ROBO2: variants seen among roughly 807,000 people sequenced by gnomAD.
The protein encoded by ROBO2 is roundabout homolog 2.
In ROBO2, 53 loss-of-function variants were observed where a neutral mutation model predicts 160.8. The observed-to-expected ratio is 0.33, with a 90% CI of 0.26 to 0.41. ROBO2 has a LOEUF of 0.41. Ranked by LOEUF, ROBO2 falls within the 10% of genes least tolerant of loss-of-function variation. The probability of loss-of-function intolerance (pLI) is 1.00; values close to 1 mark genes in which losing one functional copy is unlikely to be tolerated. For missense variants in ROBO2, 1,577 were observed against 1,722.4 expected (o/e 0.92, Z 1.49); for synonymous variants, 664 against 611.7 (o/e 1.09, Z -1.26).
intron 2 of ROBO2, among the ~76,000 whole-genome samples, chr3:76,438,379 C>T (rs1313889892): frequency 6.7e-6 from 1 of 149,464 alleles, no homozygotes; most frequent in Non-Finnish European, 1.5e-5. Flanking sequence ...CTTGGGGCCA[C>T]TTTGACTTTT....
At chr3:77,532,124 G>A (rs1189074153) in intron 6 of ROBO2, among the ~76,000 whole-genome samples, 1 of 152,046 alleles carries the variant, frequency 6.6e-6, no homozygotes, top group East Asian at 1.9e-4. Context: ...TACTTCTCAG[G>A]CTGAGCTGGT....
chr3:76,072,115 C>T (rs1559887751), intron 2 of ROBO2, among the ~76,000 whole-genome samples: 1 of 152,094 alleles, frequency 6.6e-6, no homozygotes, highest in Non-Finnish European at 1.5e-5. Context: ...TGTGTTCTAG[C>T]ATTCTAGAAG....
intron 2 of ROBO2, among the ~76,000 whole-genome samples, chr3:76,206,534 C>A: frequency 6.6e-6 from 1 of 151,782 alleles, no homozygotes; most frequent in South Asian, 2.1e-4. Flanking sequence ...GTTCAGAGTG[C>A]CTCCTTCACC....
chr3:76,776,067 T>G (rs2062230958), intron 2 of ROBO2, among the ~76,000 whole-genome samples: 1 of 150,872 alleles, frequency 6.6e-6, no homozygotes. Context: ...TAAACCCCTA[T>G]GTAACTTCTT....
At chr3:76,247,529 G>A (rs142827698) in intron 2 of ROBO2, among the ~76,000 whole-genome samples, 14 of 152,040 alleles carry the variant, frequency 9.2e-5, no homozygotes, top group Middle Eastern at 3.4e-3. Flanking sequence ...CTATCTATGC[G>A]CTATGACACA....
intron 2 of ROBO2, among the ~76,000 whole-genome samples, chr3:76,150,016 G>C (rs111867719): frequency 7.9e-5 from 9 of 113,988 alleles, no homozygotes; most frequent in East Asian, 2.8e-4. Flanking sequence ...GTCTAAAACA[G>C]ACATCTGTCT....
chr3:77,049,728 T>C (rs1208836281), intron 1 of ROBO2, among the ~76,000 whole-genome samples: 1 of 152,182 alleles, frequency 6.6e-6, no homozygotes, highest in Non-Finnish European at 1.5e-5. Context: ...TGGGATCTCT[T>C]TCCCTAGACT....
At chr3:76,311,746 G>T (rs1172500129) in intron 2 of ROBO2, among the ~76,000 whole-genome samples, 1 of 152,134 alleles carries the variant, frequency 6.6e-6, no homozygotes, top group African/African-American at 2.4e-5. Context: ...AAAGAAATGG[G>T]TTCTGAATAT....
At chr3:76,814,593 G>T (rs1279249255) in intron 2 of ROBO2, among the ~76,000 whole-genome samples, 2 of 151,450 alleles carry the variant, frequency 1.3e-5, no homozygotes, top group African/African-American at 2.4e-5. Context: ...AAAAGGATCG[G>T]TTTTTTTTGT....
At chr3:76,983,849 TC>T (rs1242752164) in intron 2 of ROBO2, among the ~76,000 whole-genome samples, 1 of 152,200 alleles carries the variant, frequency 6.6e-6, no homozygotes, top group African/African-American at 2.4e-5. Context: ...GGTGTATTAG[TC>T]TTTCCTCAGG....
At chr3:76,464,492 A>C (rs933003113) in intron 2 of ROBO2, among the ~76,000 whole-genome samples, 2 of 151,978 alleles carry the variant, frequency 1.3e-5, no homozygotes, top group African/African-American at 2.4e-5. Context: ...CTCTCTCTCT[A>C]GGAACTCCTC....
intron 2 of ROBO2, among the ~76,000 whole-genome samples, chr3:76,109,718 G>C (rs537570431): frequency 2.0e-5 from 3 of 151,874 alleles, no homozygotes; most frequent in Non-Finnish European, 2.9e-5. Context: ...TTTGTCACAT[G>C]GCTATATTGC....
chr3:76,098,336 C>G (rs1205035674), intron 2 of ROBO2, among the ~76,000 whole-genome samples: 3 of 152,072 alleles, frequency 2.0e-5, no homozygotes, highest in African/African-American at 7.2e-5. Flanking sequence ...AATACAAATT[C>G]ATCAGAATGC....
chr3:76,024,451 A>G (rs2066670468), intron 2 of ROBO2, among the ~76,000 whole-genome samples: 1 of 151,438 alleles, frequency 6.6e-6, no homozygotes, highest in South Asian at 2.1e-4. Context: ...GTCATTTGCA[A>G]GTAGTTAGTT....
chr3:77,325,056 G>A (rs11921508), intron 2 of ROBO2, among the ~76,000 whole-genome samples: 23,287 of 151,990 alleles, frequency 0.15, 1,994 homozygotes, highest in Admixed American at 0.27. Context: ...GCAGACATAG[G>A]TAATTTTAAA....
Position 77,577,157 on chromosome 3 carries a change from G to A in ROBO2, c.2204-333G>A, listed in dbSNP as rs556493476. On this transcript the variant is annotated intron_variant, in intron 14 of 25. Coordinates refer to ENST00000461745, the Ensembl canonical transcript of ROBO2. The stretch of plus-strand genomic sequence containing the variant: ...CTTCTGTTTCCTCATCTGTAAAACC[G>A]AGATAAGAGTTGTTTCTACCTCCTG... Among the ~76,000 whole-genome samples, 10 of 152,058 alleles carry A rather than the reference G, an allele frequency of 6.6e-5. No homozygotes were observed. In the East Asian group the frequency reaches 7.8e-4, roughly 12 times the overall value.
At chr3:77,635,120 G>T (rs1450564946) in intron 24 of ROBO2, 77 bp downstream of exon 25, 50 of 1,506,250 alleles carry the variant, frequency 3.3e-5, no homozygotes, top group Non-Finnish European at 4.5e-5. Flanking sequence ...GATTAATGTA[G>T]TCATGGTAGA....
chr3:76,918,365 T>C (rs1474521143), intron 2 of ROBO2, among the ~76,000 whole-genome samples: 1 of 152,194 alleles, frequency 6.6e-6, no homozygotes, highest in Admixed American at 6.5e-5. Flanking sequence ...CTGCCATGAT[T>C]GTAAGTTTCC....
chr3:76,540,115 C>CAA (rs377570319), intron 2 of ROBO2, among the ~76,000 whole-genome samples: 4 of 138,878 alleles, frequency 2.9e-5, no homozygotes, highest in African/African-American at 1.1e-4. Context: ...CATGAGGAAA[C>CAA]AAAAAAAAAA....
Sources: gnomAD v4.1 joint callset for allele counts (sites outside exome capture counted in the v4.1 genomes callset) on GRCh38, gnomAD v4.1.1 for gene constraint, MANE v1.5 for transcripts, NCBI Gene and HGNC (gene_info 2026-07-23, HGNC 2026-07-21) for gene names.